The following ANKS1B variants were observed in gnomAD, a reference collection of about 807,000 sequenced individuals.
ANKS1B encodes the protein ankyrin repeat and sterile alpha motif domain containing 1B.
Under a neutral mutation model 148.3 loss-of-function variants are expected in ANKS1B, and 36 were observed. That is an observed-to-expected ratio of 0.24 (90% confidence interval 0.19 to 0.32). The LOEUF is 0.32. Among genes scored for constraint, ANKS1B ranks in the 10% least tolerant of loss-of-function variants. The probability of loss-of-function intolerance (pLI) is 1.00; values close to 1 mark genes in which losing one functional copy is unlikely to be tolerated. For synonymous variants in ANKS1B, 542 were observed against 560.8 expected (o/e 0.97, Z 0.47); for missense variants, 1,157 against 1,542.6 (o/e 0.75, Z 4.19).
At chr12:99,621,862 C>CT (rs58807727) in intron 9 of ANKS1B, among the ~76,000 whole-genome samples, 1 of 151,464 alleles carries the variant, frequency 6.6e-6, no homozygotes. Context: ...AGGCAGAAAA[C>CT]AAAGAAATTC....
At position 99,250,126 on chromosome 12, in the gene ANKS1B, A is replaced by G. The variant is rs555901763; in HGVS notation, c.1757-3262T>C. On this transcript the variant is annotated intron_variant, in intron 12 of 26. Transcript: ENST00000683438. ...GGCAAGAGCCTTTACTATGGTTTCC[A>G]TGAAAAGAAACACACAAAGCAGGTA... Among the ~76,000 whole-genome samples, 4 of 152,340 alleles carry G rather than the reference A, an allele frequency of 2.6e-5. No individual in the cohort carries two copies. The South Asian group carries it at 6.2e-4, about 24-fold the overall frequency.
intron 12 of ANKS1B, among the ~76,000 whole-genome samples, chr12:99,254,361 A>G (rs767303274): frequency 6.6e-6 from 1 of 152,314 alleles, no homozygotes; most frequent in South Asian, 2.1e-4. Context: ...ACACTAAGAC[A>G]TTATTTGCCC....
chr12:99,589,983 T>A (rs933014262), intron 9 of ANKS1B, among the ~76,000 whole-genome samples: 15 of 151,974 alleles, frequency 9.9e-5, no homozygotes, highest in African/African-American at 3.6e-4. Context: ...AATAAAAACA[T>A]TTTTTAAAAA....
intron 12 of ANKS1B, among the ~76,000 whole-genome samples, chr12:99,294,784 GCTGGGACTACAGGCATGTGCCA>G (rs2080605593): frequency 6.6e-6 from 1 of 152,062 alleles, no homozygotes; most frequent in Non-Finnish European, 1.5e-5. Context: ...CTCCCAAGTA[GCTGGGACTACAGGCATGTGCCA>G]CCACGCCCGG....
chr12:99,640,578 T>G (rs904890533), intron 9 of ANKS1B, among the ~76,000 whole-genome samples: 1 of 152,170 alleles, frequency 6.6e-6, no homozygotes, highest in Admixed American at 6.5e-5. Flanking sequence ...AAGAAAGCCC[T>G]TGACAGATGC....
chr12:99,536,706 G>C (rs2097071634), intron 9 of ANKS1B, among the ~76,000 whole-genome samples: 1 of 152,120 alleles, frequency 6.6e-6, no homozygotes, highest in African/African-American at 2.4e-5. Context: ...TATGAAATAA[G>C]CACATTATGA....
At chr12:99,138,318 T>G (rs2153786757) in intron 15 of ANKS1B, among the ~76,000 whole-genome samples, 1 of 152,334 alleles carries the variant, frequency 6.6e-6, no homozygotes, top group East Asian at 1.9e-4. Context: ...TAAATCATTT[T>G]GGAGGATAGG....
intron 12 of ANKS1B, among the ~76,000 whole-genome samples, chr12:99,331,364 G>A (rs1314224552): frequency 6.6e-6 from 1 of 151,904 alleles, no homozygotes; most frequent in Admixed American, 6.6e-5. Flanking sequence ...ATTATAAGTC[G>A]ACAGTAGCAA....
intron 9 of ANKS1B, among the ~76,000 whole-genome samples, chr12:99,549,642 T>C (rs2097200664): frequency 1.3e-5 from 2 of 152,196 alleles, no homozygotes; most frequent in South Asian, 4.1e-4. Flanking sequence ...TGCTTAGTAA[T>C]AGCAATTAGA....
At chr12:98,813,415 C>G (rs1429574873) in intron 19 of ANKS1B, among the ~76,000 whole-genome samples, 1 of 149,474 alleles carries the variant, frequency 6.7e-6, no homozygotes, top group Non-Finnish European at 1.5e-5. Context: ...GGAGGTCTTG[C>G]TATGTTGCCC....
intron 1 of ANKS1B, among the ~76,000 whole-genome samples, chr12:99,882,556 G>C (rs2092581924): frequency 6.6e-6 from 1 of 152,176 alleles, no homozygotes; most frequent in Admixed American, 6.5e-5. Flanking sequence ...TGATTTCAAA[G>C]TCTGAGGATC....
chr12:99,319,573 T>C (rs999003467), intron 12 of ANKS1B, among the ~76,000 whole-genome samples: 2 of 152,240 alleles, frequency 1.3e-5, no homozygotes, highest in African/African-American at 4.8e-5. Flanking sequence ...TGTGTGTCTC[T>C]GCACGTGAGA....
chr12:98,854,989 C>T (rs1234064467), intron 17 of ANKS1B, among the ~76,000 whole-genome samples: 3 of 151,754 alleles, frequency 2.0e-5, no homozygotes, highest in Admixed American at 6.6e-5. Context: ...GAAACCCCGT[C>T]TCTACTAAAA....
intron 17 of ANKS1B, among the ~76,000 whole-genome samples, chr12:99,001,712 T>C (rs1318212237): frequency 6.6e-6 from 1 of 152,200 alleles, no homozygotes; most frequent in Admixed American, 6.5e-5. Flanking sequence ...AGTATGGTAT[T>C]ATTAACCGTA....
chr12:99,878,896 G>A (rs1030186380), intron 1 of ANKS1B, among the ~76,000 whole-genome samples: 1 of 152,004 alleles, frequency 6.6e-6, no homozygotes, highest in African/African-American at 2.4e-5. Flanking sequence ...ATAATTCCTT[G>A]AAGTTTTCTT....
At chr12:99,365,260 C>G (rs568720391) in intron 12 of ANKS1B, among the ~76,000 whole-genome samples, 11 of 152,314 alleles carry the variant, frequency 7.2e-5, no homozygotes, top group Admixed American at 6.5e-4. Flanking sequence ...AGCTCAAGCC[C>G]AAAGGTCAGT....
intron 12 of ANKS1B, among the ~76,000 whole-genome samples, chr12:99,260,623 A>G (rs1223822877): frequency 2.6e-5 from 4 of 152,246 alleles, no homozygotes; most frequent in African/African-American, 9.6e-5. Context: ...AGAGATATCC[A>G]ATGTAAAACA....
chr12:99,828,982 C>G (rs957226328), intron 1 of ANKS1B, among the ~76,000 whole-genome samples: 2 of 150,136 alleles, frequency 1.3e-5, no homozygotes, highest in African/African-American at 2.5e-5. Context: ...GACTCTGTCT[C>G]AAAAATAAAA....
At position 99,522,232 on chromosome 12, in the gene ANKS1B, C is replaced by G. The variant is rs77269132; in HGVS notation, c.1273-17591G>C. ...TTCTCTGCCTTGGTCTTTGACAGTT[C>G]TCTTCCAAGAGATTGATGTCCAGTC... On this transcript the variant is annotated intron_variant, in intron 9 of 26. Coordinates refer to ENST00000683438, the MANE Select transcript of ANKS1B (RefSeq NM_001352186.2). Among the ~76,000 whole-genome samples, 183 of 152,224 alleles carry G rather than the reference C, an allele frequency of 1.2e-3. 8 individuals are homozygous for G. In the East Asian group the frequency reaches 0.033, roughly 27 times the overall value.
Sources: allele counts gnomAD v4.1 joint callset (sites outside exome capture counted in the v4.1 genomes callset), GRCh38; gene constraint gnomAD v4.1.1; transcripts MANE v1.5; gene names NCBI Gene and HGNC (gene_info 2026-07-23, HGNC 2026-07-21).